ANKS1B: variants seen among roughly 807,000 people sequenced by gnomAD.
ANKS1B encodes ankyrin repeat and sterile alpha motif domain-containing protein 1B.
Under a neutral mutation model 148.3 loss-of-function variants are expected in ANKS1B, and 36 were observed. That is an observed-to-expected ratio of 0.24 (90% CI 0.19 to 0.32). The LOEUF is 0.32. ANKS1B is among the 10% of genes least tolerant of loss of function. ANKS1B has a pLI of 1.00. For missense variants in ANKS1B, 1,157 were observed against 1,542.6 expected, an observed-to-expected ratio of 0.75 and a Z score of 4.19; for synonymous variants, 542 against 560.8, an observed-to-expected ratio of 0.97 and a Z score of 0.47.
rs1393923032 is a variant in ANKS1B, at chr12:98,744,148, T to A, written c.*1591A>T. ...ATTGCCTCCTGGTACCATATTTTAG[T>A]GTTATTTAACTCTCATTTTGCTACA... On this transcript the variant is annotated 3_prime_UTR_variant, in exon 27 of 27. Transcript: ENST00000683438. The A allele has an allele frequency of 1.0e-6, 1 of 985,620 alleles. No individual in the cohort carries two copies. The allele number at this position is 985,620 out of a possible 1,614,324, so 61.1% of individuals were successfully genotyped here. A position where few individuals can be genotyped will look rare whatever the true frequency, so the allele number is the denominator to read the frequency against.
intron 25 of ANKS1B, among the ~76,000 whole-genome samples, chr12:98,758,008 A>G (rs2098301006): frequency 6.6e-6 from 1 of 152,046 alleles, no homozygotes. Context: ...GCATACTCTG[A>G]GCCTTGGTTT....
intron 15 of ANKS1B, among the ~76,000 whole-genome samples, chr12:99,104,344 C>A (rs1488009755): frequency 6.6e-6 from 1 of 152,124 alleles, no homozygotes; most frequent in African/African-American, 2.4e-5. Flanking sequence ...TTTTAAAAGA[C>A]ATTAAATGGT....
intron 9 of ANKS1B, among the ~76,000 whole-genome samples, chr12:99,638,118 C>A (rs1598588193): frequency 6.6e-6 from 1 of 152,116 alleles, no homozygotes; most frequent in East Asian, 1.9e-4. Flanking sequence ...CCCTTTCTGC[C>A]ACGAACTAAT....
intron 24 of ANKS1B, 26 bp downstream of exon 24, chr12:98,781,090 TA>T: frequency 7.0e-7 from 1 of 1,421,222 alleles, no homozygotes. Context: ...ATCTGGTGTC[TA>T]AACCAGAGAG....
At chr12:99,167,818 T>A (rs945851001) in intron 14 of ANKS1B, among the ~76,000 whole-genome samples, 1 of 152,166 alleles carries the variant, frequency 6.6e-6, no homozygotes, top group African/African-American at 2.4e-5. Flanking sequence ...AACAGATGAA[T>A]GGATAAACAA....
chr12:99,714,959 A>G (rs2057110423), intron 8 of ANKS1B, among the ~76,000 whole-genome samples: 2 of 145,452 alleles, frequency 1.4e-5, no homozygotes, highest in South Asian at 4.9e-4. Flanking sequence ...TCTCTATTAA[A>G]AATACAAAAA....
intron 12 of ANKS1B, among the ~76,000 whole-genome samples, chr12:99,295,296 G>A (rs907438324): frequency 2.6e-5 from 4 of 152,182 alleles, no homozygotes; most frequent in African/African-American, 9.7e-5. Flanking sequence ...AATGGCTAAT[G>A]ATAGGAAGTA....
At position 99,393,722 on chromosome 12, in the gene ANKS1B, A is replaced by G. The variant is rs1464152249; in HGVS notation, c.1756+5909T>C. Among the ~76,000 whole-genome samples the G allele has an allele frequency of 2.0e-5, 3 of 152,134 alleles. No individual in the cohort carries two copies. In the East Asian group the frequency reaches 5.8e-4, roughly 29 times the overall value. On this transcript the variant is annotated intron_variant, in intron 12 of 26. Transcript: ENST00000683438. ...ATTCTTTGAATCCAACAATTATTCCAACCCTCTTCTTTAATACCTTGACTC... is the reference window on the plus strand; with the variant it reads ...ATTCTTTGAATCCAACAATTATTCCGACCCTCTTCTTTAATACCTTGACTC...
intron 2 of ANKS1B, among the ~76,000 whole-genome samples, chr12:99,816,263 T>C (rs1395460546): frequency 6.6e-6 from 1 of 151,914 alleles, no homozygotes; most frequent in Non-Finnish European, 1.5e-5. Flanking sequence ...CTGTTTCACA[T>C]GTTTGTTGGC....
At chr12:99,325,472 A>C (rs1373955651) in intron 12 of ANKS1B, among the ~76,000 whole-genome samples, 1 of 152,008 alleles carries the variant, frequency 6.6e-6, no homozygotes, top group Non-Finnish European at 1.5e-5. Flanking sequence ...GACCACCCAC[A>C]TCAGTTTGCA....
chr12:99,944,004 C>T (rs1435404549), intron 1 of ANKS1B, among the ~76,000 whole-genome samples: 1 of 152,046 alleles, frequency 6.6e-6, no homozygotes, highest in Non-Finnish European at 1.5e-5. Context: ...CTCCCTGTGC[C>T]CATATGTTCT....
At chr12:99,222,345 G>A (rs2085259800) in intron 14 of ANKS1B, among the ~76,000 whole-genome samples, 1 of 152,152 alleles carries the variant, frequency 6.6e-6, no homozygotes, top group South Asian at 2.1e-4. Flanking sequence ...CAGGAGTGGT[G>A]GCTCATGCCT....
chr12:98,912,300 A>G (rs1484534724), intron 17 of ANKS1B, among the ~76,000 whole-genome samples: 2 of 152,082 alleles, frequency 1.3e-5, no homozygotes, highest in Non-Finnish European at 2.9e-5. Context: ...TGATCCCTAG[A>G]CTTTGCTGTT....
chr12:99,504,603 A>G lies in ANKS1B; in HGVS notation c.1311T>C (p.Ile437=), dbSNP rs745810905. The part of the protein sequence containing the change: ...YPKKRNYTME[I]VPSASLDTFP... ...ATGTATCCAGAGAAGCAGATGGTAC[A>G]ATTTCCATAGTGTAATTTCTCTTCT... Residue 437 remains isoleucine (I), a synonymous_variant, in exon 10 of 27, where the codon ATT becomes ATC. Transcript: ENST00000683438. 1 of 1,608,576 alleles carries G rather than the reference A, an allele frequency of 6.2e-7. No individual in the cohort carries two copies.
At chr12:99,185,065 T>G (rs766842898) in intron 14 of ANKS1B, among the ~76,000 whole-genome samples, 2 of 152,208 alleles carry the variant, frequency 1.3e-5, no homozygotes, top group Non-Finnish European at 2.9e-5. Context: ...GTGTTCAACA[T>G]GTAGTTGTGA....
At chr12:99,556,759 G>A (rs1178639642) in intron 9 of ANKS1B, among the ~76,000 whole-genome samples, 2 of 152,116 alleles carry the variant, frequency 1.3e-5, no homozygotes, top group Non-Finnish European at 2.9e-5. Flanking sequence ...AGTTTTGAGT[G>A]ATATTCTTAG....
chr12:98,741,267 T>C (rs1333925030), downstream of ANKS1B, among the ~76,000 whole-genome samples: 1 of 152,166 alleles, frequency 6.6e-6, no homozygotes, highest in Non-Finnish European at 1.5e-5. Context: ...CAAACACTCT[T>C]TCTTTCTCCT....
At chr12:99,640,538 C>T (rs367721697) in intron 9 of ANKS1B, among the ~76,000 whole-genome samples, 61 of 152,194 alleles carry the variant, frequency 4.0e-4, no homozygotes, top group African/African-American at 1.3e-3. Flanking sequence ...CTCTCTTACC[C>T]TCTCACCTTC....
chr12:99,137,572 G>T (rs1289394554), intron 15 of ANKS1B, among the ~76,000 whole-genome samples: 7 of 152,184 alleles, frequency 4.6e-5, no homozygotes, highest in Admixed American at 4.6e-4. Context: ...GGAGATCTGA[G>T]TTGGCGCAGA....
Sources: gnomAD v4.1 joint callset for allele counts (sites outside exome capture counted in the v4.1 genomes callset) on GRCh38, gnomAD v4.1.1 for gene constraint, MANE v1.5 for transcripts, NCBI Gene and HGNC (gene_info 2026-07-23, HGNC 2026-07-21) for gene names.